The following UNC13C variants were observed in gnomAD, a reference collection of about 807,000 sequenced individuals.
UNC13C encodes the protein protein unc-13 homolog C.
In UNC13C, 174 loss-of-function variants were observed where a neutral mutation model predicts 245.4. The ratio of observed to expected loss-of-function variants is 0.71; its 90% confidence interval spans 0.63 to 0.80. UNC13C has a LOEUF of 0.80. Among genes scored for constraint, UNC13C ranks in the 30% least tolerant of loss-of-function variants. The pLI is 0.00. For missense variants in UNC13C, 2,829 were observed against 2,602.9 expected, an observed-to-expected ratio of 1.09 and a Z score of -1.89; for synonymous variants, 992 against 895.1, an observed-to-expected ratio of 1.11 and a Z score of -1.93.
intron 30 of UNC13C, among the ~76,000 whole-genome samples, chr15:54,607,105 G>A (rs1030115032): frequency 2.6e-5 from 4 of 152,276 alleles, no homozygotes; most frequent in African/African-American, 7.2e-5. Flanking sequence ...AAAAAATTAT[G>A]TAATAAATTT....
chr15:54,082,612 C>T (rs1186133339), intron 2 of UNC13C, among the ~76,000 whole-genome samples: 1 of 152,114 alleles, frequency 6.6e-6, no homozygotes, highest in Non-Finnish European at 1.5e-5. Context: ...TGCCAGAGAG[C>T]TAATGTAATC....
At chr15:53,871,019 C>T in the UNC13C span, among the ~76,000 whole-genome samples, 1 of 152,186 alleles carries the variant, frequency 6.6e-6, no homozygotes, top group East Asian at 1.9e-4. Context: ...TCCCAGTTGC[C>T]AGTCATGTTG....
the UNC13C span, among the ~76,000 whole-genome samples, chr15:53,966,133 T>C: frequency 3.9e-5 from 6 of 152,296 alleles, no homozygotes; most frequent in African/African-American, 1.4e-4. Context: ...AGTCTCATAT[T>C]CTAGATTTTG....
chr15:54,315,910 C>T (rs985224278), intron 13 of UNC13C, among the ~76,000 whole-genome samples: 1 of 151,324 alleles, frequency 6.6e-6, no homozygotes, highest in Non-Finnish European at 1.5e-5. Flanking sequence ...AATCCATTTC[C>T]TCCTCATCAT....
At chr15:53,992,664 A>G (rs1056157704) in intron 1 of UNC13C, among the ~76,000 whole-genome samples, 24 of 152,066 alleles carry the variant, frequency 1.6e-4, no homozygotes, top group Non-Finnish European at 3.2e-4. Context: ...TGAGAATTCA[A>G]CCTTCTCTAG....
At chr15:54,596,283 T>G (rs184181970) in intron 30 of UNC13C, among the ~76,000 whole-genome samples, 1 of 152,206 alleles carries the variant, frequency 6.6e-6, no homozygotes, top group Non-Finnish European at 1.5e-5. Flanking sequence ...AAAAAGAATA[T>G]TTTCTATATC....
At chr15:54,423,641 C>A (rs1424264947) in intron 19 of UNC13C, among the ~76,000 whole-genome samples, 1 of 151,710 alleles carries the variant, frequency 6.6e-6, no homozygotes, top group Non-Finnish European at 1.5e-5. Context: ...TATAGAAAGC[C>A]ATTATTGCCA....
chr15:54,000,623 C>T (rs917080746), intron 1 of UNC13C, among the ~76,000 whole-genome samples: 1 of 152,052 alleles, frequency 6.6e-6, no homozygotes, highest in East Asian at 1.9e-4. Flanking sequence ...TCTGAAATTG[C>T]CACTAATTAC....
At chr15:54,085,897 C>T (rs988709502) in intron 2 of UNC13C, among the ~76,000 whole-genome samples, 7 of 152,074 alleles carry the variant, frequency 4.6e-5, no homozygotes, top group East Asian at 1.9e-4. Context: ...AATTATGAAA[C>T]GATTGTTGGA....
In UNC13C at chr15:54,222,718, A is replaced by G. The variant is rs1427551210; in HGVS notation, c.3072-12312A>G. On this transcript the variant is annotated intron_variant, in intron 4 of 32. Coordinates refer to ENST00000260323, the MANE Select transcript of UNC13C (RefSeq NM_001080534.3). Reference sequence around the variant, plus strand: ...ATTTACAATCCCACCATCAGTGAACAAGGATTCCCTTCTCTCTATATCCTT... The same window carrying G: ...ATTTACAATCCCACCATCAGTGAACGAGGATTCCCTTCTCTCTATATCCTT... Among the ~76,000 whole-genome samples the G allele has an allele frequency of 2.6e-5, 4 of 152,054 alleles. No individual in the cohort carries two copies. In the East Asian group the frequency reaches 7.7e-4, roughly 29 times the overall value.
chr15:54,083,471 C>A (rs1899065530), intron 2 of UNC13C, among the ~76,000 whole-genome samples: 1 of 152,110 alleles, frequency 6.6e-6, no homozygotes, highest in African/African-American at 2.4e-5. Flanking sequence ...GCAGCACAGG[C>A]TCACTTTCTG....
intron 4 of UNC13C, among the ~76,000 whole-genome samples, chr15:54,225,925 A>G (rs756293840): frequency 2.6e-5 from 4 of 152,108 alleles, no homozygotes; most frequent in African/African-American, 9.7e-5. Flanking sequence ...CCCATTCAGT[A>G]TAATTTTGGC....
At chr15:54,010,418 C>G (rs761299380) in intron 1 of UNC13C, among the ~76,000 whole-genome samples, 1 of 151,790 alleles carries the variant, frequency 6.6e-6, no homozygotes, top group African/African-American at 2.4e-5. Context: ...TGATGTTGAT[C>G]CTTGGCTGGG....
At position 54,172,709 on chromosome 15, in the gene UNC13C, TATA is replaced by T. The variant is rs1322626959; in HGVS notation, c.3071+29026_3071+29028del. On this transcript the variant is annotated intron_variant, in intron 4 of 32. Transcript: ENST00000260323. ...AAAGTCAAATACACACACAGATATA[TATA>T]TATATATATATATATATATATATAT... is the stretch of plus-strand genomic sequence containing the variant. Among the ~76,000 whole-genome samples the T allele has an allele frequency of 1.6e-3, 87 of 54,246 alleles. 3 individuals are homozygous for T. The highest frequency in any genetic ancestry group is 0.014 in the African/African-American group (84 of 6,052). 35.6% of individuals were successfully genotyped at this position (54,246 alleles called of 152,430 possible).
At chr15:53,965,323 A>G in the UNC13C span, among the ~76,000 whole-genome samples, 1 of 152,024 alleles carries the variant, frequency 6.6e-6, no homozygotes, top group African/African-American at 2.4e-5. Flanking sequence ...CTCATACATC[A>G]TATCATTTTA....
At chr15:54,366,883 C>T (rs901573563) in intron 17 of UNC13C, among the ~76,000 whole-genome samples, 4 of 152,062 alleles carry the variant, frequency 2.6e-5, no homozygotes, top group African/African-American at 4.8e-5. Context: ...GGCTACAAGG[C>T]CCTAACATCC....
At chr15:54,343,712 A>T (rs2038792096) in intron 17 of UNC13C, among the ~76,000 whole-genome samples, 1 of 152,230 alleles carries the variant, frequency 6.6e-6, no homozygotes, top group African/African-American at 2.4e-5. Flanking sequence ...AAGGCAGACT[A>T]TTCAAAGAGT....
At chr15:54,180,515 C>T (rs139825051) in intron 4 of UNC13C, among the ~76,000 whole-genome samples, 18 of 151,940 alleles carry the variant, frequency 1.2e-4, no homozygotes, top group African/African-American at 4.3e-4. Context: ...GGTTATATAC[C>T]CAGTAATGGC....
chr15:53,978,426 G>A (rs1344045664), upstream of UNC13C, among the ~76,000 whole-genome samples: 3 of 152,174 alleles, frequency 2.0e-5, no homozygotes, highest in African/African-American at 7.2e-5. Context: ...GGATCGCAGT[G>A]CCGGTGCTGC....
Sources: allele counts gnomAD v4.1 joint callset (sites outside exome capture counted in the v4.1 genomes callset), GRCh38; gene constraint gnomAD v4.1.1; transcripts MANE v1.5; gene names NCBI Gene and HGNC (gene_info 2026-07-23, HGNC 2026-07-21).